HSPG2: variants seen among roughly 807,000 people sequenced by gnomAD.
HSPG2 encodes the protein basement membrane-specific heparan sulfate proteoglycan core protein.
HSPG2 carries 278 observed loss-of-function variants against 526.6 expected under a neutral mutation model. The observed-to-expected ratio is 0.53, with a 90% CI of 0.48 to 0.58. The LOEUF (loss-of-function observed/expected upper bound fraction) is 0.58. Ranked by LOEUF, HSPG2 falls within the 20% of genes least tolerant of loss-of-function variation. The pLI is 0.00. For synonymous variants in HSPG2, 2,465 were observed against 2,555.4 expected, an observed-to-expected ratio of 0.96 and a Z score of 1.07; for missense variants, 5,354 against 6,099.5, an observed-to-expected ratio of 0.88 and a Z score of 4.07.
chr1:21,854,529 T>A, intron 49 of HSPG2, 82 bp downstream of exon 49: 1 of 1,477,804 alleles, frequency 6.8e-7, no homozygotes, highest in Non-Finnish European at 9.1e-7. Context: ...GTGTGCCGCC[T>A]CCCCCGCCCA....
At position 21,841,052 on chromosome 1, in the gene HSPG2, C is replaced by T. The variant is rs750179352; in HGVS notation, c.9513+49G>A. Reference sequence around the variant, plus strand: ...ATCTCCTCCAAGCACCCGCTCAAGGCTGGGCCATGGACTGGGCCTCAGACC... The same window carrying T: ...ATCTCCTCCAAGCACCCGCTCAAGGTTGGGCCATGGACTGGGCCTCAGACC... On this transcript the variant is annotated intron_variant, in intron 71 of 96. Coordinates refer to ENST00000374695, the MANE Select transcript of HSPG2 (RefSeq NM_005529.7). 5.8e-6 allele frequency: 9 copies of T among 1,544,592 alleles called. No homozygotes were observed. The Middle Eastern group carries it at 5.8e-4, about 100-fold the overall frequency.
intron 1 of HSPG2, among the ~76,000 whole-genome samples, chr1:21,924,611 G>A (rs1222795524): frequency 6.6e-6 from 1 of 152,102 alleles, no homozygotes; most frequent in Non-Finnish European, 1.5e-5. Context: ...CCGGGGAGGA[G>A]AGATGGTAGC....
intron 69 of HSPG2, 71 bp downstream of exon 69, chr1:21,841,931 T>A (rs2098050198): frequency 2.5e-6 from 4 of 1,594,576 alleles, no homozygotes; most frequent in Non-Finnish European, 3.4e-6. Flanking sequence ...TGCCCCACCC[T>A]TGCACAGTGG....
Position 21,864,044 on chromosome 1 carries a change from C to A in HSPG2, c.4740+56G>T. The A allele has an allele frequency of 7.4e-7, 1 of 1,344,440 alleles. No individual in the cohort carries two copies. Among genetic ancestry groups the A allele is most frequent in the South Asian group, 1.3e-5 (1 of 79,754 alleles). 83.3% of individuals were successfully genotyped at this position (1,344,440 alleles called of 1,614,324 possible). A position where few individuals can be genotyped will look rare whatever the true frequency, so the allele number is the denominator to read the frequency against. On this transcript the variant is annotated intron_variant, in intron 37 of 96. Coordinates refer to ENST00000374695, the MANE Select transcript of HSPG2 (RefSeq NM_005529.7). The surrounding 1 kb of genome is among the most constrained non-coding windows in gnomAD (Gnocchi z 4.8). ...GATGCCTGCCTTGTCCAGCCCTGGT[C>A]CCCCACCCAGGCCCAGCTGAGCTGA... is the stretch of plus-strand genomic sequence containing the variant.
At position 21,835,571 on chromosome 1, in the gene HSPG2, CT is replaced by C; in HGVS notation, c.10421del (p.Lys3474ArgfsTer47). The part of the protein sequence containing the change: ...YICQAHGPWG[K>X]AQASAQLVIQ... ...TAACCAGCTGGGCACTGGCCTGGGC[CT>C]TCCCCCAAGGTCCATGGGCCTGGCA... On this transcript the variant is annotated frameshift_variant, in exon 76 of 97. Coordinates refer to ENST00000374695, the MANE Select transcript of HSPG2 (RefSeq NM_005529.7). LOFTEE classifies it high-confidence loss of function. 1.2e-6 allele frequency: 2 copies of C among 1,614,144 alleles called. No individual in the cohort carries two copies. The highest frequency in any genetic ancestry group is 1.7e-6 in the Non-Finnish European group (2 of 1,179,948).
Position 21,822,423 on chromosome 1 carries a change from C to T in HSPG2, c.*893G>A. 1 of 597,306 alleles carries T rather than the reference C, an allele frequency of 1.7e-6. No homozygotes were observed. Among genetic ancestry groups the T allele is most frequent in the Non-Finnish European group, 3.0e-6 (1 of 332,962 alleles). The allele number at this position is 597,306 out of a possible 1,614,324, so 37.0% of individuals were successfully genotyped here. Reference sequence around the variant, plus strand: ...CAGGGTGGTCATATCCCCCTCCTCTCTCTCTCAGTCGTGAGTCCTGCCTTC... The same window carrying T: ...CAGGGTGGTCATATCCCCCTCCTCTTTCTCTCAGTCGTGAGTCCTGCCTTC... On this transcript the variant is annotated 3_prime_UTR_variant, in exon 97 of 97. Transcript: ENST00000374695.
intron 10 of HSPG2, 72 bp from the exon 11 acceptor site, chr1:21,885,229 C>T: frequency 6.2e-7 from 1 of 1,605,970 alleles, no homozygotes; most frequent in Non-Finnish European, 8.5e-7. Context: ...CTCCGAGGGG[C>T]TAGGAGGGAG....
intron 71 of HSPG2, 107 bp downstream of exon 71, chr1:21,840,994 C>T (rs2098046108): frequency 3.1e-6 from 3 of 975,192 alleles, no homozygotes; most frequent in African/African-American, 1.6e-5. Context: ...TTCCTCTCTC[C>T]ATCCACTCAT....
At chr1:21,849,251 C>T (rs1297866242) in intron 57 of HSPG2, among the ~76,000 whole-genome samples, 1 of 152,238 alleles carries the variant, frequency 6.6e-6, no homozygotes, top group Non-Finnish European at 1.5e-5. Flanking sequence ...TGAGACTTGG[C>T]ACCAGAGAAA....
intron 1 of HSPG2, among the ~76,000 whole-genome samples, chr1:21,934,712 C>T (rs1406754362): frequency 6.6e-6 from 1 of 151,916 alleles, no homozygotes. Flanking sequence ...TCTCCTGCCT[C>T]AGCCTCCGGA....
At position 21,890,021 on chromosome 1, in the gene HSPG2, G is replaced by A. The variant is rs376282000; in HGVS notation, c.534C>T (p.Val178=). Reference sequence around the variant, plus strand: ...GGAACTGGAATCCCTGGGGAGAGGTGACGTAGGAGGCCACAGAGCCGCTGG... The same window carrying A: ...GGAACTGGAATCCCTGGGGAGAGGTAACGTAGGAGGCCACAGAGCCGCTGG... ...VISSGSVASY[V]TSPQGFQFRR... Residue 178 remains valine, a synonymous_variant, in exon 6 of 97, where the codon GTC becomes GTT. Transcript: ENST00000374695. This position sits in a 1 kb window ranked among gnomAD's most constrained non-coding sequence, Gnocchi z 4.1. 1.0e-4 allele frequency: 165 copies of A among 1,613,946 alleles called. No individual in the cohort carries two copies. The highest frequency in any genetic ancestry group is 1.3e-4 in the Non-Finnish European group (158 of 1,179,984).
Position 21,859,847 on chromosome 1 carries a change from G to A in HSPG2, c.5170C>T (p.Gln1724Ter). Residue 1724 changes from glutamine (Q) to a stop codon, truncating the protein, a stop_gained, in exon 41 of 97, where the codon CAG becomes TAG. Coordinates refer to ENST00000374695, the MANE Select transcript of HSPG2 (RefSeq NM_005529.7). LOFTEE classifies it high-confidence loss of function. This position sits in a 1 kb window ranked among gnomAD's most constrained non-coding sequence, Gnocchi z 5.3. Reference protein sequence around the residue: ...DGRPVPSGTQQRHQGSELHFP... With the variant: ...DGRPVPSGTQ ...GGGCCATGGGTACCTTGATGTCGCT[G>A]CTGGGTGCCGCTGGGCACAGGCCGC... 2 of 1,611,346 alleles carry A rather than the reference G, an allele frequency of 1.2e-6. No homozygotes were observed. The highest frequency in any genetic ancestry group is 1.7e-6 in the Non-Finnish European group (2 of 1,179,634).
chr1:21,847,481 G>T lies in HSPG2; in HGVS notation c.8037C>A (p.Ser2679=). ...SLPSRHQTHG[S]HLRLHQMSVA... ...CAGACATTTGGTGCAACCGCAGGTGGGAGCCATGGGTCTGGACGTGCGGAT... is the reference window on the plus strand; with the variant it reads ...CAGACATTTGGTGCAACCGCAGGTGTGAGCCATGGGTCTGGACGTGCGGAT... Residue 2679 remains serine (S), a synonymous_variant, in exon 62 of 97, where the codon TCC becomes TCA. Coordinates refer to ENST00000374695, the MANE Select transcript of HSPG2 (RefSeq NM_005529.7). This position sits in a 1 kb window ranked among gnomAD's most constrained non-coding sequence, Gnocchi z 4.1. 6.2e-7 allele frequency: 1 copy of T among 1,613,916 alleles called. No homozygotes were observed. Among genetic ancestry groups the T allele is most frequent in the Non-Finnish European group, 8.5e-7 (1 of 1,180,042 alleles).
At chr1:21,913,694 G>A (rs1026808065) in intron 1 of HSPG2, among the ~76,000 whole-genome samples, 1 of 152,264 alleles carries the variant, frequency 6.6e-6, no homozygotes, top group African/African-American at 2.4e-5. Flanking sequence ...CTGGGCACAG[G>A]GAAGGAGGAG....
In HSPG2 at chr1:21,824,910, C is replaced by T; in HGVS notation, c.12590-131G>A. 2 of 817,598 alleles carry T rather than the reference C, an allele frequency of 2.4e-6. No individual in the cohort carries two copies. The highest frequency in any genetic ancestry group is 4.1e-6 in the Non-Finnish European group (2 of 482,348). 50.6% of individuals were successfully genotyped at this position (817,598 alleles called of 1,614,324 possible). On this transcript the variant is annotated intron_variant, in intron 91 of 96. Transcript: ENST00000374695. This position sits in a 1 kb window ranked among gnomAD's most constrained non-coding sequence, Gnocchi z 5.9. ...CTCCGAGCCTGCAGTCCCTGGGGAC[C>T]CACGGGGGCTGCCAACAGAATTCAG...
chr1:21,911,450 G>C (rs964771486), intron 1 of HSPG2, among the ~76,000 whole-genome samples: 4 of 149,340 alleles, frequency 2.7e-5, no homozygotes, highest in African/African-American at 9.7e-5. Context: ...AAGGGCCCCA[G>C]AGCAGGCAGG....
chr1:21,824,802 G>A lies in HSPG2; in HGVS notation c.12590-23C>T. The A allele has an allele frequency of 6.3e-7, 1 of 1,596,902 alleles. No individual in the cohort carries two copies. On this transcript the variant is annotated intron_variant, in intron 91 of 96. Coordinates refer to ENST00000374695, the MANE Select transcript of HSPG2 (RefSeq NM_005529.7). The surrounding 1 kb of genome is among the most constrained non-coding windows in gnomAD (Gnocchi z 5.9). ...CATCTGTGGGAGAGAGGAGGGTGGT[G>A]CCATACCTGCTGCATCAGGCATCAA...
chr1:21,834,811 G>C lies in HSPG2; in HGVS notation c.10588C>G (p.Arg3530Gly), dbSNP rs2270699. ...VTWSKVGGHL[R>G]PGIVQSGGVV... ...CCTCCGCTCTGCACAATGCCTGGCC[G>C]CAGGTGCCCTCCAACTTTGCTCCAT... is the stretch of plus-strand genomic sequence containing the variant. Residue 3530 changes from arginine to glycine, a missense_variant, in exon 77 of 97, where the codon CGG (arginine) becomes GGG (glycine). By Grantham distance (125) the Arg-to-Gly change is moderately radical. Transcript: ENST00000374695. 6.2e-7 allele frequency: 1 copy of C among 1,614,200 alleles called. No individual in the cohort carries two copies. The highest frequency in any genetic ancestry group is 1.3e-5 in the African/African-American group (1 of 75,060).
intron 1 of HSPG2, among the ~76,000 whole-genome samples, chr1:21,902,385 C>A (rs949638156): frequency 3.9e-5 from 6 of 152,146 alleles, no homozygotes; most frequent in African/African-American, 1.4e-4. Flanking sequence ...CAACACGCAT[C>A]CAGGGCTTCT....
Sources: gnomAD v4.1 joint callset for allele counts (sites outside exome capture counted in the v4.1 genomes callset) on GRCh38, gnomAD v4.1.1 for gene constraint, Gnocchi (gnomAD v3.1) non-coding constraint, MANE v1.5 for transcripts, NCBI Gene and HGNC (gene_info 2026-07-23, HGNC 2026-07-21) for gene names.